TNR: variants seen among roughly 807,000 people sequenced by gnomAD.
TNR encodes the protein tenascin-R.
A neutral mutation model predicts 150.4 loss-of-function variants in TNR; 45 were observed. That is an observed-to-expected ratio of 0.30 (90% CI 0.24 to 0.38). TNR has a LOEUF of 0.38. Among genes scored for constraint, TNR ranks in the 10% least tolerant of loss-of-function variants. The pLI is 1.00. For missense variants in TNR, 1,544 were observed against 1,759.1 expected (o/e 0.88, Z 2.19); for synonymous variants, 687 against 678.4 (o/e 1.01, Z -0.20).
In TNR at chr1:175,621,238, C is replaced by A. The variant is rs574171113; in HGVS notation, c.-164-92869G>T. On this transcript the variant is annotated intron_variant, in intron 1 of 22. Transcript: ENST00000367674. ...CCCCTGCTCATCTCACTGTCTACAT[C>A]TATCTGCGCTCTAGCCTGAATTCTG... is the stretch of plus-strand genomic sequence containing the variant. Among the ~76,000 whole-genome samples, 3 of 152,312 alleles carry A rather than the reference C, an allele frequency of 2.0e-5. No individual in the cohort carries two copies. The South Asian group carries it at 6.2e-4, about 32-fold the overall frequency.
chr1:175,741,721 C>G (rs1448804586), intron 1 of TNR, among the ~76,000 whole-genome samples: 3 of 152,152 alleles, frequency 2.0e-5, no homozygotes, highest in Non-Finnish European at 4.4e-5. Flanking sequence ...CCATTTCACT[C>G]AGAACTGTGT....
At chr1:175,693,395 C>G (rs1666429300) in intron 1 of TNR, among the ~76,000 whole-genome samples, 1 of 152,214 alleles carries the variant, frequency 6.6e-6, no homozygotes, top group Admixed American at 6.5e-5. Context: ...AAACTGTCTC[C>G]CGACAGAAAT....
intron 2 of TNR, among the ~76,000 whole-genome samples, chr1:175,481,723 G>A (rs987590924): frequency 2.6e-5 from 4 of 152,132 alleles, no homozygotes; most frequent in African/African-American, 9.7e-5. Flanking sequence ...GTGCCTTTCT[G>A]ATGGTAGCAC....
chr1:175,502,627 G>A lies in TNR; in HGVS notation c.-64+25642C>T, dbSNP rs77595161. Among the ~76,000 whole-genome samples the A allele has an allele frequency of 6.1e-3, 928 of 152,218 alleles. 12 individuals carry two copies. The highest frequency in any genetic ancestry group is 0.021 in the African/African-American group (873 of 41,548). ...GCCCATCTCCCAAAAGTTCTCCCCA[G>A]TAAACCTCTTGCATGCAATTCCTTG... On this transcript the variant is annotated intron_variant, in intron 2 of 22. Transcript: ENST00000367674.
At position 175,388,247 on chromosome 1, in the gene TNR, A is replaced by T. The variant is rs1653021491; in HGVS notation, c.1508-1946T>A. Among the ~76,000 whole-genome samples the T allele has an allele frequency of 2.0e-5, 3 of 152,280 alleles. No individual in the cohort carries two copies. The South Asian group carries it at 6.2e-4, about 32-fold the overall frequency. On this transcript the variant is annotated intron_variant, in intron 7 of 22. Coordinates refer to ENST00000367674, the MANE Select transcript of TNR (RefSeq NM_003285.3). Reference sequence around the variant, plus strand: ...AGAAAGAAGGGGAAGCATTTCAATAAACTGGAGCTTTTTGGAAAAAAAAAA... The same window carrying T: ...AGAAAGAAGGGGAAGCATTTCAATATACTGGAGCTTTTTGGAAAAAAAAAA...
chr1:175,604,776 AG>A (rs1433932618), intron 1 of TNR, among the ~76,000 whole-genome samples: 1 of 152,224 alleles, frequency 6.6e-6, no homozygotes, highest in African/African-American at 2.4e-5. Context: ...TATGTGCGAC[AG>A]TCCCTGGGTC....
chr1:175,358,490 T>C (rs904469948), intron 15 of TNR, among the ~76,000 whole-genome samples: 2 of 152,264 alleles, frequency 1.3e-5, no homozygotes, highest in African/African-American at 4.8e-5. Context: ...TTTTAGTTTT[T>C]ACCTTCCTAA....
intron 19 of TNR, among the ~76,000 whole-genome samples, chr1:175,336,523 G>C (rs1328227157): frequency 1.3e-5 from 2 of 152,230 alleles, no homozygotes; most frequent in African/African-American, 4.8e-5. Context: ...ATCCTAAAGC[G>C]ATCCAGCTAA....
chr1:175,639,840 C>T (rs1664599420), intron 1 of TNR, among the ~76,000 whole-genome samples: 1 of 152,164 alleles, frequency 6.6e-6, no homozygotes, highest in African/African-American at 2.4e-5. Context: ...ATATAGTTCT[C>T]TTTTTTCACT....
chr1:175,509,430 T>A (rs1261170522), intron 2 of TNR, among the ~76,000 whole-genome samples: 1 of 152,220 alleles, frequency 6.6e-6, no homozygotes, highest in African/African-American at 2.4e-5. Context: ...CACTGTATTC[T>A]TCTGCTCCGA....
At chr1:175,657,867 A>ATATATG (rs1367331446) in intron 1 of TNR, among the ~76,000 whole-genome samples, 2 of 121,646 alleles carry the variant, frequency 1.6e-5, no homozygotes, top group African/African-American at 6.3e-5. Context: ...ATATATATAT[A>ATATATG]TATATATATA....
At chr1:175,345,319 C>T (rs1411723842) in intron 18 of TNR, among the ~76,000 whole-genome samples, 1 of 152,080 alleles carries the variant, frequency 6.6e-6, no homozygotes, top group East Asian at 1.9e-4. Context: ...CCGATAACCC[C>T]AAAGGGACAC....
chr1:175,557,191 T>C (rs75400700), intron 1 of TNR, among the ~76,000 whole-genome samples: 501 of 152,254 alleles, frequency 3.3e-3, no homozygotes, highest in African/African-American at 0.011. Flanking sequence ...CTTTCTCCAA[T>C]TGAGAAGAGA....
intron 1 of TNR, among the ~76,000 whole-genome samples, chr1:175,649,102 G>A (rs575489940): frequency 6.6e-6 from 1 of 152,192 alleles, no homozygotes; most frequent in Non-Finnish European, 1.5e-5. Flanking sequence ...GTCCATGGCT[G>A]CCCACAGCAT....
intron 1 of TNR, among the ~76,000 whole-genome samples, chr1:175,643,265 T>C (rs59186400): frequency 0.023 from 3,545 of 152,282 alleles, 126 homozygotes; most frequent in African/African-American, 0.078. Context: ...CTCTCAGTTG[T>C]AAGAGGACTT....
At chr1:175,679,884 G>A (rs1351315428) in intron 1 of TNR, among the ~76,000 whole-genome samples, 1 of 152,208 alleles carries the variant, frequency 6.6e-6, no homozygotes, top group Non-Finnish European at 1.5e-5. Flanking sequence ...AGCAGTGCCA[G>A]TGAGATAATT....
chr1:175,736,093 C>T (rs1206929512), intron 1 of TNR, among the ~76,000 whole-genome samples: 1 of 152,186 alleles, frequency 6.6e-6, no homozygotes, highest in Admixed American at 6.5e-5. Context: ...CCAAGTACCC[C>T]AAGCTGCACC....
chr1:175,629,605 C>T (rs1186580565), intron 1 of TNR, among the ~76,000 whole-genome samples: 1 of 152,232 alleles, frequency 6.6e-6, no homozygotes. Context: ...AGGGGTGGAG[C>T]TAGGAGCTAG....
intron 1 of TNR, among the ~76,000 whole-genome samples, chr1:175,558,561 A>AT (rs1661286357): frequency 6.6e-6 from 1 of 152,198 alleles, no homozygotes; most frequent in African/African-American, 2.4e-5. Flanking sequence ...CTACTATGAC[A>AT]TACTGCTCCA....
Sources: allele counts gnomAD v4.1 joint callset (sites outside exome capture counted in the v4.1 genomes callset), GRCh38; gene constraint gnomAD v4.1.1; transcripts MANE v1.5; gene names NCBI Gene and HGNC (gene_info 2026-07-23, HGNC 2026-07-21).